Variants in PCDHGA6 observed in about 807,000 individuals in gnomAD.
PCDHGA6 encodes the protein protocadherin gamma-A6.
Under a neutral mutation model 60.6 loss-of-function variants are expected in PCDHGA6, and 41 were observed. The observed-to-expected ratio is 0.68, with a 90% CI of 0.53 to 0.88. The LOEUF (loss-of-function observed/expected upper bound fraction) is 0.88, where lower values mean the gene tolerates loss of function less well. Ranked by LOEUF, PCDHGA6 falls within the 40% of genes least tolerant of loss-of-function variation. The pLI is 0.00. For missense variants in PCDHGA6, 1,312 were observed against 1,203.0 expected (o/e 1.09, Z -1.34); for synonymous variants, 594 against 524.4 (o/e 1.13, Z -1.81).
intron 2 of PCDHGA6, among the ~76,000 whole-genome samples, chr5:141,497,622 C>G (rs1434147255): frequency 6.6e-6 from 1 of 151,538 alleles, no homozygotes; most frequent in African/African-American, 2.4e-5. Context: ...TCACTGCAAC[C>G]TCTGCCTGCC....
Position 141,418,027 on chromosome 5 carries a change from T to A in PCDHGA6, c.2424+41520T>A, listed in dbSNP as rs536104184. 2.4e-5 allele frequency: 38 copies of A among 1,613,808 alleles called. 1 individual carries two copies. In the South Asian group the frequency reaches 4.2e-4, roughly 18 times the overall value. ...GGAACCTCGCTAAGGATCTAGGGCT[T>A]AGTGTCCTGGATGTGTCGGCTCGCG... On this transcript the variant is annotated intron_variant, in intron 1 of 3. Coordinates refer to ENST00000517434, the MANE Select transcript of PCDHGA6 (RefSeq NM_018919.3).
At chr5:141,422,424 T>G (rs1182660567) in intron 1 of PCDHGA6, 3 of 1,607,958 alleles carry the variant, frequency 1.9e-6, no homozygotes, top group Non-Finnish European at 2.5e-6. Flanking sequence ...AAAAGACTTA[T>G]GGAAATTATT....
intron 1 of PCDHGA6, chr5:141,409,421 G>C (rs1381290106): frequency 6.2e-7 from 1 of 1,614,044 alleles, no homozygotes; most frequent in South Asian, 1.1e-5. Context: ...ACTGGTGACA[G>C]ATGGAGCCCT....
At chr5:141,410,662 C>T (rs770245568) in intron 1 of PCDHGA6, 1 of 1,572,090 alleles carries the variant, frequency 6.4e-7, no homozygotes, top group Admixed American at 1.9e-5. Context: ...TAATAGTCTA[C>T]TAGTTTCTCA....
At chr5:141,387,604 T>C (rs2091008879) in intron 1 of PCDHGA6, 2 of 547,084 alleles carry the variant, frequency 3.7e-6, no homozygotes, top group Non-Finnish European at 6.4e-6. Flanking sequence ...CAGCAGAGGC[T>C]GTAGTTTCCT....
At chr5:141,397,543 G>A (rs547149193) in intron 1 of PCDHGA6, among the ~76,000 whole-genome samples, 17 of 152,282 alleles carry the variant, frequency 1.1e-4, no homozygotes, top group African/African-American at 3.8e-4. Flanking sequence ...TTTGAAATCA[G>A]TATAGTATGA....
At chr5:141,400,830 T>G (rs1194053653) in intron 1 of PCDHGA6, among the ~76,000 whole-genome samples, 2 of 152,244 alleles carry the variant, frequency 1.3e-5, no homozygotes, top group African/African-American at 2.4e-5. Flanking sequence ...GTTGTCTCAT[T>G]CTTTAACATG....
At position 141,485,286 on chromosome 5, in the gene PCDHGA6, A is replaced by G; in HGVS notation, c.2425-9521A>G. The G allele has an allele frequency of 2.5e-6, 4 of 1,614,044 alleles. No individual in the cohort carries two copies. On this transcript the variant is annotated intron_variant, in intron 1 of 3. Transcript: ENST00000517434. This position sits in a 1 kb window ranked among gnomAD's most constrained non-coding sequence, Gnocchi z 5.7. ...CAGATCCGCTACCCGGTCCCAGAGG[A>G]GTCACAGGAAGGGACTTTTGTAGGG...
intron 1 of PCDHGA6, chr5:141,430,625 G>T: frequency 1.3e-6 from 1 of 788,104 alleles, no homozygotes; most frequent in Non-Finnish European, 1.9e-6. Context: ...AGCTAGGAAT[G>T]AACCATCCCT....
intron 1 of PCDHGA6, chr5:141,478,822 T>C: frequency 4.2e-6 from 6 of 1,444,070 alleles, no homozygotes; most frequent in Non-Finnish European, 5.5e-6. Flanking sequence ...AACTAACCAA[T>C]CTTGCTAAGG....
At chr5:141,400,079 C>A in intron 1 of PCDHGA6, 1 of 1,614,042 alleles carries the variant, frequency 6.2e-7, no homozygotes, top group East Asian at 2.2e-5. Flanking sequence ...CCGCCACTCT[C>A]CGCCACCGCC....
At chr5:141,409,294 G>T (rs1438036410) in intron 1 of PCDHGA6, 11 of 1,613,826 alleles carry the variant, frequency 6.8e-6, no homozygotes, top group South Asian at 1.1e-5. Flanking sequence ...CTCCAGGAAT[G>T]GTTGTTGCCC....
chr5:141,471,124 A>C (rs2099250596), intron 1 of PCDHGA6, among the ~76,000 whole-genome samples: 1 of 141,916 alleles, frequency 7.0e-6, no homozygotes, highest in East Asian at 2.1e-4. Flanking sequence ...TCTTACCTTC[A>C]CTGCAACCTC....
chr5:141,385,212 C>T, intron 1 of PCDHGA6: 1 of 1,614,230 alleles, frequency 6.2e-7, no homozygotes, highest in Non-Finnish European at 8.5e-7. Context: ...TGATCTTCCC[C>T]CAGCCCAACT....
At position 141,433,069 on chromosome 5, in the gene PCDHGA6, C is replaced by G. The variant is rs561950316; in HGVS notation, c.2424+56562C>G. The G allele has an allele frequency of 3.1e-6, 5 of 1,614,200 alleles. No homozygotes were observed. In the Admixed American group the frequency reaches 8.3e-5, roughly 27 times the overall value. Reference sequence around the variant, plus strand: ...ACTCGCGGAAGAGTCACCTGATCTTCCCCCAGCCCAACTATGCAGACATGC... The same window carrying G: ...ACTCGCGGAAGAGTCACCTGATCTTGCCCCAGCCCAACTATGCAGACATGC... On this transcript the variant is annotated intron_variant, in intron 1 of 3. Coordinates refer to ENST00000517434, the MANE Select transcript of PCDHGA6 (RefSeq NM_018919.3).
chr5:141,434,650 C>A (rs931043426), intron 1 of PCDHGA6, among the ~76,000 whole-genome samples: 6 of 152,092 alleles, frequency 3.9e-5, no homozygotes, highest in Non-Finnish European at 5.9e-5. Context: ...TTTAGTTAAT[C>A]TAATATCTAT....
At position 141,511,983 on chromosome 5, in the gene PCDHGA6, G is replaced by A. The variant is rs904146751; in HGVS notation, c.*810G>A. 6.5e-6 allele frequency: 1 copy of A among 153,280 alleles called. No homozygotes were observed. The highest frequency in any genetic ancestry group is 1.5e-5 in the Non-Finnish European group (1 of 68,572). The allele number at this position is 153,280 out of a possible 1,614,324, so 9.5% of individuals were successfully genotyped here. A position where few individuals can be genotyped will look rare whatever the true frequency, so the allele number is the denominator to read the frequency against. ...AGGGAAGTGTGTGGATGTGGATGGT[G>A]GGGGCATGGACAAAGCTTGACACAT... On this transcript the variant is annotated 3_prime_UTR_variant, in exon 4 of 4. Coordinates refer to ENST00000517434, the MANE Select transcript of PCDHGA6 (RefSeq NM_018919.3).
intron 1 of PCDHGA6, among the ~76,000 whole-genome samples, chr5:141,437,987 C>T (rs2097922147): frequency 1.3e-5 from 2 of 152,156 alleles, no homozygotes; most frequent in African/African-American, 2.4e-5. Flanking sequence ...GCACCCACCC[C>T]ACCTCAGCCT....
chr5:141,409,857 T>C (rs761331515), intron 1 of PCDHGA6: 2 of 1,612,228 alleles, frequency 1.2e-6, no homozygotes, highest in African/African-American at 2.7e-5. Context: ...CGCGTGTTGG[T>C]GGGAGACCGC....
Sources: gnomAD v4.1 joint callset for allele counts (sites outside exome capture counted in the v4.1 genomes callset) on GRCh38, gnomAD v4.1.1 for gene constraint, Gnocchi (gnomAD v3.1) non-coding constraint, MANE v1.5 for transcripts, NCBI Gene and HGNC (gene_info 2026-07-23, HGNC 2026-07-21) for gene names.